BAZ2B: variants seen among roughly 807,000 people sequenced by gnomAD.
BAZ2B encodes bromodomain adjacent to zinc finger domain protein 2B.
Under a neutral mutation model 246.0 loss-of-function variants are expected in BAZ2B, and 91 were observed. The observed-to-expected ratio is 0.37, with a 90% CI of 0.31 to 0.44. The LOEUF (loss-of-function observed/expected upper bound fraction) is 0.44, where lower values mean the gene tolerates loss of function less well. Among genes scored for constraint, BAZ2B ranks in the 20% least tolerant of loss-of-function variants. The pLI, the probability that BAZ2B is intolerant of heterozygous loss-of-function variation, is 1.00. For synonymous variants in BAZ2B, 855 were observed against 860.0 expected (o/e 0.99, Z 0.10); for missense variants, 2,332 against 2,533.7 (o/e 0.92, Z 1.71).
At chr2:159,346,453 C>G (rs1021047172) in intron 31 of BAZ2B, among the ~76,000 whole-genome samples, 2 of 152,094 alleles carry the variant, frequency 1.3e-5, no homozygotes, top group African/African-American at 4.8e-5. Flanking sequence ...GCCTGTAATC[C>G]CAGTATTTTG....
intron 13 of BAZ2B, among the ~76,000 whole-genome samples, chr2:159,415,072 A>C (rs776096401): frequency 2.6e-5 from 4 of 152,078 alleles, no homozygotes; most frequent in Admixed American, 6.6e-5. Context: ...CAAGGTCTAT[A>C]TTATCAGTCC....
chr2:159,591,015 A>T (rs1689275080), intron 1 of BAZ2B, among the ~76,000 whole-genome samples: 1 of 152,210 alleles, frequency 6.6e-6, no homozygotes, highest in Non-Finnish European at 1.5e-5. Flanking sequence ...AGAGTATAAG[A>T]TCTACATCTC....
intron 1 of BAZ2B, among the ~76,000 whole-genome samples, chr2:159,576,912 CAA>C (rs34337483): frequency 5.9e-5 from 3 of 51,148 alleles, no homozygotes; most frequent in East Asian, 5.4e-4. Flanking sequence ...GACTGTGTCT[CAA>C]AAAAAAAAAA....
At chr2:159,578,672 G>A (rs982028971) in intron 1 of BAZ2B, among the ~76,000 whole-genome samples, 1 of 152,142 alleles carries the variant, frequency 6.6e-6, no homozygotes, top group Non-Finnish European at 1.5e-5. Context: ...CACACAGTTG[G>A]AAGTAAAGCA....
At chr2:159,565,547 G>C (rs1313375942) in intron 1 of BAZ2B, among the ~76,000 whole-genome samples, 1 of 152,172 alleles carries the variant, frequency 6.6e-6, no homozygotes, top group African/African-American at 2.4e-5. Context: ...GGGTGGCCAA[G>C]GCGGGGGGAT....
chr2:159,645,346 C>T, the BAZ2B span, among the ~76,000 whole-genome samples: 157 of 152,058 alleles, frequency 1.0e-3, 1 homozygote, highest in South Asian at 4.4e-3. Flanking sequence ...GGTCCCTAAC[C>T]TTTTCGGCAC....
chr2:159,491,853 T>C (rs531381625), intron 2 of BAZ2B, among the ~76,000 whole-genome samples: 1 of 151,986 alleles, frequency 6.6e-6, no homozygotes, highest in South Asian at 2.1e-4. Flanking sequence ...AAGTCAAAAT[T>C]CTCCTATTAA....
intron 18 of BAZ2B, 25 bp from the exon 19 acceptor site, chr2:159,397,414 C>T (rs770568502): frequency 1.5e-5 from 21 of 1,442,300 alleles, no homozygotes; most frequent in East Asian, 4.6e-5. Context: ...ACTTTTAATA[C>T]GTGATTTTTA....
the BAZ2B span, among the ~76,000 whole-genome samples, chr2:159,680,390 A>T: frequency 1.3e-5 from 2 of 152,220 alleles, no homozygotes; most frequent in African/African-American, 4.8e-5. Flanking sequence ...TTAGATTCTG[A>T]TAGAATAAGT....
intron 3 of BAZ2B, among the ~76,000 whole-genome samples, chr2:159,465,457 G>T (rs1277527773): frequency 6.6e-6 from 1 of 152,200 alleles, no homozygotes; most frequent in East Asian, 1.9e-4. Flanking sequence ...ATTTTTAAGA[G>T]AACTTAATTG....
At chr2:159,520,000 G>A (rs570524563) in intron 2 of BAZ2B, among the ~76,000 whole-genome samples, 7 of 151,802 alleles carry the variant, frequency 4.6e-5, no homozygotes, top group Admixed American at 3.3e-4. Context: ...CATCAATTTA[G>A]ATTCATATTT....
At chr2:159,472,151 T>C (rs1290923695) in intron 3 of BAZ2B, among the ~76,000 whole-genome samples, 1 of 152,210 alleles carries the variant, frequency 6.6e-6, no homozygotes, top group Admixed American at 6.5e-5. Flanking sequence ...TGGTTATAGT[T>C]CTCCTTGAAG....
chr2:159,548,297 T>C (rs981610546), intron 2 of BAZ2B, among the ~76,000 whole-genome samples: 4 of 152,228 alleles, frequency 2.6e-5, no homozygotes, highest in African/African-American at 9.6e-5. Context: ...ATCACTGTTA[T>C]TATATTTTAC....
At chr2:159,578,686 C>T (rs1409573168) in intron 1 of BAZ2B, among the ~76,000 whole-genome samples, 1 of 152,146 alleles carries the variant, frequency 6.6e-6, no homozygotes, top group Non-Finnish European at 1.5e-5. Context: ...TAAAGCACTC[C>T]TCAGCAAATG....
the BAZ2B span, among the ~76,000 whole-genome samples, chr2:159,634,072 C>T: frequency 2.3e-3 from 355 of 152,246 alleles, 2 homozygotes; most frequent in African/African-American, 8.3e-3. Flanking sequence ...AATATATACA[C>T]AAGGACCAAA....
At chr2:159,635,600 T>G in the BAZ2B span, among the ~76,000 whole-genome samples, 114 of 151,038 alleles carry the variant, frequency 7.5e-4, no homozygotes, top group African/African-American at 2.6e-3. Flanking sequence ...TGGTGAATAA[T>G]TTGTTTCTTT....
At chr2:159,358,108 TAAC>T (rs2059307656) in intron 27 of BAZ2B, among the ~76,000 whole-genome samples, 1 of 152,268 alleles carries the variant, frequency 6.6e-6, no homozygotes, top group South Asian at 2.1e-4. Context: ...AATTCACACA[TAAC>T]AACATTAACC....
At chr2:159,413,955 T>C (rs911410969) in intron 13 of BAZ2B, among the ~76,000 whole-genome samples, 4 of 152,194 alleles carry the variant, frequency 2.6e-5, no homozygotes, top group African/African-American at 9.7e-5. Flanking sequence ...TGAAGAGGTG[T>C]CTGCACTCCC....
At chr2:159,702,256 C>T in the BAZ2B span, among the ~76,000 whole-genome samples, 1 of 152,150 alleles carries the variant, frequency 6.6e-6, no homozygotes, top group South Asian at 2.1e-4. Context: ...TTAATTATTT[C>T]TATACATTCT....
Sources: gnomAD v4.1 joint callset for allele counts (sites outside exome capture counted in the v4.1 genomes callset) on GRCh38, gnomAD v4.1.1 for gene constraint, MANE v1.5 for transcripts, NCBI Gene and HGNC (gene_info 2026-07-23, HGNC 2026-07-21) for gene names.